TMEM108: variants seen among roughly 807,000 people sequenced by gnomAD.
TMEM108 encodes cancer/testis antigen 124.
Under a neutral mutation model 35.1 loss-of-function variants are expected in TMEM108, and 12 were observed. The ratio of observed to expected loss-of-function variants is 0.34; its 90% CI spans 0.22 to 0.55. The LOEUF (loss-of-function observed/expected upper bound fraction) is 0.55, where lower values mean the gene tolerates loss of function less well. TMEM108 is among the 20% of genes least tolerant of loss of function. TMEM108 has a pLI of 0.89. For missense variants in TMEM108, 680 were observed against 753.3 expected, an observed-to-expected ratio of 0.90 and a Z score of 1.14; for synonymous variants, 287 against 308.6, an observed-to-expected ratio of 0.93 and a Z score of 0.73.
chr3:133,308,701 G>A (rs1043619421), intron 3 of TMEM108, among the ~76,000 whole-genome samples: 3 of 152,140 alleles, frequency 2.0e-5, no homozygotes, highest in African/African-American at 4.8e-5. Flanking sequence ...TTGCATCCGC[G>A]GGGTGAAGCC....
rs146982458 is a variant in TMEM108, at chr3:133,364,888, G to A, written c.41-14864G>A. Among the ~76,000 whole-genome samples the A allele has an allele frequency of 1.0e-3, 157 of 152,194 alleles. No individual in the cohort carries two copies. In the East Asian group the frequency reaches 0.019, roughly 18 times the overall value. On this transcript the variant is annotated intron_variant, in intron 3 of 5. Transcript: ENST00000321871. ...AAAGTAAGAGAAGCCGGATCAGGCA[G>A]GGGGGGAAGTTGGGCTGCAACACAG...
chr3:133,104,979 T>C (rs867714461), intron 2 of TMEM108, among the ~76,000 whole-genome samples: 1 of 152,198 alleles, frequency 6.6e-6, no homozygotes, highest in Non-Finnish European at 1.5e-5. Flanking sequence ...TTAGTGTGGA[T>C]TGGGAAAGAA....
At chr3:133,328,398 G>A (rs1307792996) in intron 3 of TMEM108, among the ~76,000 whole-genome samples, 1 of 152,152 alleles carries the variant, frequency 6.6e-6, no homozygotes, top group Non-Finnish European at 1.5e-5. Flanking sequence ...ATTCAGGGTG[G>A]TACGGTGGTA....
At chr3:133,169,406 A>G (rs962448405) in intron 2 of TMEM108, among the ~76,000 whole-genome samples, 1 of 152,322 alleles carries the variant, frequency 6.6e-6, no homozygotes, top group Non-Finnish European at 1.5e-5. Flanking sequence ...ACAGAACTCT[A>G]AAATATCTAT....
chr3:133,218,547 C>A (rs1031595186), intron 2 of TMEM108, among the ~76,000 whole-genome samples: 2 of 151,730 alleles, frequency 1.3e-5, no homozygotes, highest in African/African-American at 4.8e-5. Flanking sequence ...CATATATGGC[C>A]TTTGTTGCAT....
chr3:133,352,060 T>A (rs1263094120), intron 3 of TMEM108, among the ~76,000 whole-genome samples: 1 of 152,200 alleles, frequency 6.6e-6, no homozygotes, highest in Non-Finnish European at 1.5e-5. Flanking sequence ...TCTTAAACTT[T>A]AAGATTACAC....
chr3:133,395,324 G>T (rs964590474), intron 5 of TMEM108, among the ~76,000 whole-genome samples: 1 of 152,190 alleles, frequency 6.6e-6, no homozygotes, highest in Non-Finnish European at 1.5e-5. Context: ...GGAAGGAATT[G>T]GCCCTTGAAG....
chr3:133,067,470 A>G (rs80109619), intron 2 of TMEM108, among the ~76,000 whole-genome samples: 2,549 of 152,302 alleles, frequency 0.017, 84 homozygotes, highest in African/African-American at 0.058. Context: ...CATAGCATCC[A>G]TCTAAAGCTT....
At chr3:133,163,267 C>G (rs1201241656) in intron 2 of TMEM108, among the ~76,000 whole-genome samples, 2 of 152,148 alleles carry the variant, frequency 1.3e-5, no homozygotes, top group Non-Finnish European at 2.9e-5. Flanking sequence ...CTCCATCCCC[C>G]CTAGAGTAAA....
chr3:133,223,924 G>A (rs551807332), intron 2 of TMEM108, among the ~76,000 whole-genome samples: 1 of 152,296 alleles, frequency 6.6e-6, no homozygotes, highest in Admixed American at 6.5e-5. Flanking sequence ...GGTGCTTCTA[G>A]TTGGGATAGC....
At chr3:133,122,150 T>TA (rs1345488441) in intron 2 of TMEM108, among the ~76,000 whole-genome samples, 2 of 152,190 alleles carry the variant, frequency 1.3e-5, no homozygotes, top group Non-Finnish European at 2.9e-5. Flanking sequence ...CAGCAGGAGT[T>TA]ACTTCTCTTT....
Position 133,379,843 on chromosome 3 carries a change from C to T in TMEM108, c.132C>T (p.Gly44=), listed in dbSNP as rs1469435734. Residue 44 remains glycine, a synonymous_variant, in exon 4 of 6, where the codon GGC becomes GGT. Coordinates refer to ENST00000321871, the MANE Select transcript of TMEM108 (RefSeq NM_023943.4). Reference sequence around the variant, plus strand: ...AATCTCTTCAGGTCCTCCCTTCAGGCACTCCCCCGGGAACCATGGTGACAG... The same window carrying T: ...AATCTCTTCAGGTCCTCCCTTCAGGTACTCCCCCGGGAACCATGGTGACAG... ...PRESLQVLPS[G]TPPGTMVTAP... 34 of 1,614,064 alleles carry T rather than the reference C, an allele frequency of 2.1e-5. No individual in the cohort carries two copies. The highest frequency in any genetic ancestry group is 2.8e-5 in the Non-Finnish European group (33 of 1,179,962).
At chr3:133,280,584 A>G (rs1946899107) in intron 3 of TMEM108, among the ~76,000 whole-genome samples, 1 of 152,256 alleles carries the variant, frequency 6.6e-6, no homozygotes, top group African/African-American at 2.4e-5. Context: ...CGATTTAATT[A>G]ACATTCCTGT....
intron 3 of TMEM108, among the ~76,000 whole-genome samples, chr3:133,243,534 TG>T (rs931719412): frequency 3.3e-5 from 3 of 92,012 alleles, no homozygotes; most frequent in East Asian, 3.7e-4. Flanking sequence ...GGGCGGGGGG[TG>T]GGGGGGACGG....
At chr3:133,331,678 C>CTGAT (rs1477093645) in intron 3 of TMEM108, among the ~76,000 whole-genome samples, 5 of 152,176 alleles carry the variant, frequency 3.3e-5, no homozygotes, top group African/African-American at 9.7e-5. Flanking sequence ...AGGACCCGTA[C>CTGAT]TGATTATCAT....
At chr3:133,349,187 G>T (rs567831326) in intron 3 of TMEM108, among the ~76,000 whole-genome samples, 1 of 152,202 alleles carries the variant, frequency 6.6e-6, no homozygotes, top group African/African-American at 2.4e-5. Flanking sequence ...TCCCCTTTAA[G>T]TTGACCAAAA....
intron 2 of TMEM108, among the ~76,000 whole-genome samples, chr3:133,146,344 T>A (rs1944719808): frequency 1.3e-5 from 2 of 152,226 alleles, no homozygotes; most frequent in South Asian, 2.1e-4. Context: ...AACTATTTGA[T>A]GTACTGCTGG....
intron 3 of TMEM108, among the ~76,000 whole-genome samples, chr3:133,315,856 G>A (rs2071192331): frequency 6.6e-6 from 1 of 152,192 alleles, no homozygotes; most frequent in South Asian, 2.1e-4. Flanking sequence ...AACATTAAAT[G>A]AGTAAGGAAT....
chr3:133,159,246 C>T (rs115222966), intron 2 of TMEM108, among the ~76,000 whole-genome samples: 1 of 152,316 alleles, frequency 6.6e-6, no homozygotes, highest in African/African-American at 2.4e-5. Flanking sequence ...CTATGATATA[C>T]TTCATGGTTT....
Sources: gnomAD v4.1 joint callset for allele counts (sites outside exome capture counted in the v4.1 genomes callset) on GRCh38, gnomAD v4.1.1 for gene constraint, MANE v1.5 for transcripts, NCBI Gene and HGNC (gene_info 2026-07-23, HGNC 2026-07-21) for gene names.